The following TRPC4 variants were observed in gnomAD, a reference collection of about 807,000 sequenced individuals.
TRPC4 encodes transient receptor potential cation channel subfamily C member 4.
A neutral mutation model predicts 99.4 loss-of-function variants in TRPC4; 49 were observed. That is an observed-to-expected ratio of 0.49 (90% confidence interval 0.39 to 0.63). TRPC4 has a LOEUF of 0.63. Among genes scored for constraint, TRPC4 ranks in the 20% least tolerant of loss-of-function variants. TRPC4 has a pLI of 0.00. For synonymous variants in TRPC4, 454 were observed against 425.9 expected (o/e 1.07, Z -0.81); for missense variants, 898 against 1,152.9 (o/e 0.78, Z 3.20).
In TRPC4 at chr13:37,632,098, A is replaced by G. The variant is rs758788453; in HGVS notation, c.*4805T>C. 1.3e-5 allele frequency among the ~76,000 whole-genome samples: 2 copies of G among 152,196 alleles called. No individual in the cohort carries two copies. Among genetic ancestry groups the G allele is most frequent in the Non-Finnish European group, 2.9e-5 (2 of 68,040 alleles). On this transcript the variant is annotated 3_prime_UTR_variant, in exon 11 of 11. Transcript: ENST00000379705. ...ACTGCAAACTTTAATAGAGCTACACAAAACTTTTTTGAGTAATTAAAGATA... is the reference window on the plus strand; with the variant it reads ...ACTGCAAACTTTAATAGAGCTACACGAAACTTTTTTGAGTAATTAAAGATA...
intron 8 of TRPC4, among the ~76,000 whole-genome samples, chr13:37,642,388 C>T (rs1046487247): frequency 1.3e-5 from 2 of 152,108 alleles, no homozygotes; most frequent in African/African-American, 4.8e-5. Context: ...GTGGAATGTA[C>T]CTCCTACAAC....
rs1332342866 is a variant in TRPC4 at position 37,795,433 on chromosome 13, T to A, written c.-27-12073A>T. Among the ~76,000 whole-genome samples, 4 of 152,246 alleles carry A rather than the reference T, an allele frequency of 2.6e-5. No homozygotes were observed. The East Asian group carries it at 7.7e-4, about 29-fold the overall frequency. Reference sequence around the variant, plus strand: ...TTGACAGTCAATGGTAGACACTTTGTGGCAAGGTCTTCAGTTTAGACATGA... The same window carrying A: ...TTGACAGTCAATGGTAGACACTTTGAGGCAAGGTCTTCAGTTTAGACATGA... On this transcript the variant is annotated intron_variant, in intron 1 of 10. Coordinates refer to ENST00000379705, the MANE Select transcript of TRPC4 (RefSeq NM_016179.4).
At chr13:37,808,523 T>C (rs1957588815) in intron 1 of TRPC4, among the ~76,000 whole-genome samples, 1 of 151,984 alleles carries the variant, frequency 6.6e-6, no homozygotes, top group African/African-American at 2.4e-5. Flanking sequence ...CTATTAGGAG[T>C]GCAGACAAGA....
intron 1 of TRPC4, among the ~76,000 whole-genome samples, chr13:37,836,566 C>T (rs1390853490): frequency 1.3e-5 from 2 of 152,078 alleles, no homozygotes; most frequent in African/African-American, 4.8e-5. Flanking sequence ...GCATTTAGCC[C>T]CTGCCCTAGA....
intron 1 of TRPC4, among the ~76,000 whole-genome samples, chr13:37,820,564 C>A (rs1428063521): frequency 2.6e-5 from 4 of 152,044 alleles, no homozygotes; most frequent in Non-Finnish European, 5.9e-5. Flanking sequence ...CTGAATCCAG[C>A]AGCACATAAA....
chr13:37,771,874 C>T (rs569155621), intron 2 of TRPC4, among the ~76,000 whole-genome samples: 5 of 151,696 alleles, frequency 3.3e-5, no homozygotes, highest in African/African-American at 1.2e-4. Context: ...GTACCAGATA[C>T]AATTGATGAC....
chr13:37,748,810 AAGAG>A (rs906361950), intron 2 of TRPC4, among the ~76,000 whole-genome samples: 6 of 150,750 alleles, frequency 4.0e-5, no homozygotes, highest in African/African-American at 1.5e-4. Flanking sequence ...AAAAGTATTA[AAGAG>A]AGATACAGTA....
chr13:37,687,261 C>A (rs758983275), intron 4 of TRPC4, among the ~76,000 whole-genome samples: 1 of 152,182 alleles, frequency 6.6e-6, no homozygotes, highest in Non-Finnish European at 1.5e-5. Context: ...CCACACCCAG[C>A]CCAAAGTTCT....
intron 3 of TRPC4, among the ~76,000 whole-genome samples, chr13:37,734,263 G>A (rs1955329033): frequency 6.6e-6 from 1 of 152,072 alleles, no homozygotes; most frequent in African/African-American, 2.4e-5. Context: ...ATATTTTCCT[G>A]GGCTTCAATA....
At chr13:37,772,506 T>A (rs970268997) in intron 2 of TRPC4, among the ~76,000 whole-genome samples, 9 of 151,880 alleles carry the variant, frequency 5.9e-5, no homozygotes, top group East Asian at 2.0e-4. Flanking sequence ...TATATATATA[T>A]AAATATATTT....
chr13:37,768,057 G>A (rs1287092146), intron 2 of TRPC4, among the ~76,000 whole-genome samples: 1 of 151,344 alleles, frequency 6.6e-6, no homozygotes, highest in Non-Finnish European at 1.5e-5. Flanking sequence ...GTAATCATAG[G>A]AGGGAACAAA....
chr13:37,860,961 T>A (rs1415635299), intron 1 of TRPC4, among the ~76,000 whole-genome samples: 1 of 151,588 alleles, frequency 6.6e-6, no homozygotes, highest in Non-Finnish European at 1.5e-5. Context: ...AGGCAGAACC[T>A]GAAACACTTC....
chr13:37,674,331 C>T lies in TRPC4; in HGVS notation c.1271G>A (p.Gly424Asp), dbSNP rs757115113. 6 of 1,607,740 alleles carry T rather than the reference C, an allele frequency of 3.7e-6. No individual in the cohort carries two copies. The South Asian group carries it at 6.8e-5, about 18-fold the overall frequency. The part of the protein sequence containing the change: ...IWGEIKQMWD[G>D]GLQDYIHDWW... ...ATCATGGATGTAGTCCTGAAGTCCGCCATCCCACATCTGTTTAATTTCTCC... is the reference window on the plus strand; with the variant it reads ...ATCATGGATGTAGTCCTGAAGTCCGTCATCCCACATCTGTTTAATTTCTCC... Residue 424 changes from glycine (G) to aspartate (D), a missense_variant, in exon 5 of 11, where the codon GGC (glycine) becomes GAC (aspartate). By Grantham distance (94) the Gly-to-Asp change is moderately conservative. Coordinates refer to ENST00000379705, the MANE Select transcript of TRPC4 (RefSeq NM_016179.4).
At chr13:37,645,400 C>A (rs1221281394) in intron 8 of TRPC4, among the ~76,000 whole-genome samples, 8 of 152,144 alleles carry the variant, frequency 5.3e-5, no homozygotes, top group African/African-American at 9.7e-5. Context: ...TCACTCTTAT[C>A]TCCGGTTCTC....
intron 1 of TRPC4, among the ~76,000 whole-genome samples, chr13:37,789,609 C>G (rs1204768241): frequency 6.6e-6 from 1 of 151,942 alleles, no homozygotes. Context: ...GTCTTAACCA[C>G]TTGCCTAAAA....
At chr13:37,713,492 T>C (rs560100894) in intron 3 of TRPC4, among the ~76,000 whole-genome samples, 13 of 152,316 alleles carry the variant, frequency 8.5e-5, no homozygotes, top group South Asian at 8.3e-4. Flanking sequence ...GGGATTGTTG[T>C]AGACAGTTTC....
intron 1 of TRPC4, among the ~76,000 whole-genome samples, chr13:37,787,544 C>A (rs1030713483): frequency 6.6e-6 from 1 of 151,962 alleles, no homozygotes; most frequent in East Asian, 1.9e-4. Flanking sequence ...AGGCAAGAAA[C>A]AATACATACG....
At chr13:37,638,932 G>A (rs1179360593) in intron 10 of TRPC4, 108 bp downstream of exon 10, 23 of 1,150,790 alleles carry the variant, frequency 2.0e-5, no homozygotes, top group Non-Finnish European at 2.8e-5. Flanking sequence ...AAGCCACACA[G>A]GCTTGCTGGA....
intron 1 of TRPC4, among the ~76,000 whole-genome samples, chr13:37,843,529 T>C (rs1284296021): frequency 6.6e-6 from 1 of 152,186 alleles, no homozygotes; most frequent in African/African-American, 2.4e-5. Flanking sequence ...AGAAAAGATA[T>C]TACATTTAGT....
Sources: gnomAD v4.1 joint callset for allele counts (sites outside exome capture counted in the v4.1 genomes callset) on GRCh38, gnomAD v4.1.1 for gene constraint, MANE v1.5 for transcripts, NCBI Gene and HGNC (gene_info 2026-07-23, HGNC 2026-07-21) for gene names.